HYCC1: variants seen among roughly 807,000 people sequenced by gnomAD.
HYCC1 encodes the protein hyccin.
At chr7:22,939,670 T>C in the HYCC1 span, 1 of 152,122 alleles carries the variant, frequency 6.6e-6, no homozygotes, top group Non-Finnish European at 1.5e-5. Flanking sequence ...CTCTATTAGG[T>C]AGGATTTAAT....
the HYCC1 span, among the ~76,000 whole-genome samples, chr7:22,967,505 C>G: frequency 1.2e-3 from 179 of 152,252 alleles, no homozygotes; most frequent in African/African-American, 4.1e-3. Flanking sequence ...TATCTTATAA[C>G]CTGCTAGGTT....
At chr7:22,955,523 AACTT>A in the HYCC1 span, among the ~76,000 whole-genome samples, 2 of 151,692 alleles carry the variant, frequency 1.3e-5, no homozygotes, top group Non-Finnish European at 3.0e-5. Context: ...TTGGAACTAT[AACTT>A]AATTAGGGGA....
the HYCC1 span, among the ~76,000 whole-genome samples, chr7:22,906,915 C>T: frequency 6.6e-6 from 1 of 151,714 alleles, no homozygotes; most frequent in Non-Finnish European, 1.5e-5. Flanking sequence ...TGGAAGCACT[C>T]ATTTGCAGAA....
the HYCC1 span, among the ~76,000 whole-genome samples, chr7:22,925,761 G>A: frequency 1.3e-5 from 2 of 152,328 alleles, no homozygotes; most frequent in East Asian, 3.9e-4. Context: ...ACACTCTGCA[G>A]GATATTATCC....
chr7:23,013,440 G>A, the HYCC1 span, among the ~76,000 whole-genome samples: 2 of 152,228 alleles, frequency 1.3e-5, no homozygotes, highest in Admixed American at 1.3e-4. Context: ...GACAGTGGCG[G>A]CCTCGCCGAA....
At chr7:22,924,096 T>G in the HYCC1 span, among the ~76,000 whole-genome samples, 1 of 149,790 alleles carries the variant, frequency 6.7e-6, no homozygotes, top group Non-Finnish European at 1.5e-5. Context: ...TGAGAATTGC[T>G]TGAACCCAGG....
the HYCC1 span, among the ~76,000 whole-genome samples, chr7:22,923,776 C>T: frequency 5.3e-5 from 8 of 151,922 alleles, no homozygotes; most frequent in Non-Finnish European, 1.2e-4. Flanking sequence ...CATGGAAATA[C>T]TATAAACAAC....
chr7:23,006,385 G>T, the HYCC1 span, among the ~76,000 whole-genome samples: 6 of 151,882 alleles, frequency 4.0e-5, no homozygotes, highest in South Asian at 6.2e-4. Context: ...TCCCGCCTCA[G>T]CCTCCCAAGT....
the HYCC1 span, among the ~76,000 whole-genome samples, chr7:22,929,527 G>C: frequency 1.3e-5 from 2 of 152,102 alleles, no homozygotes; most frequent in African/African-American, 2.4e-5. Flanking sequence ...CAAAAAGTGG[G>C]CCAAGGATAT....
At chr7:22,930,277 G>T in the HYCC1 span, among the ~76,000 whole-genome samples, 2 of 149,118 alleles carry the variant, frequency 1.3e-5, no homozygotes, top group Non-Finnish European at 3.0e-5. Context: ...CACCAACATG[G>T]CACATGTATA....
At chr7:22,964,471 CCTG>C in the HYCC1 span, 1 of 1,611,906 alleles carries the variant, frequency 6.2e-7, no homozygotes, top group Admixed American at 1.7e-5. Flanking sequence ...AAACTGGTAT[CCTG>C]CTACTTATAC....
chr7:22,936,711 A>C, the HYCC1 span: 1 of 152,084 alleles, frequency 6.6e-6, no homozygotes, highest in African/African-American at 2.4e-5. Context: ...TGCAAAGCAG[A>C]CTAGAAATAC....
the HYCC1 span, among the ~76,000 whole-genome samples, chr7:22,910,214 T>A: frequency 1.4e-4 from 21 of 152,310 alleles, 1 homozygote; most frequent in African/African-American, 5.1e-4. Flanking sequence ...GGTATGCAGG[T>A]CATAGGGGCA....
the HYCC1 span, among the ~76,000 whole-genome samples, chr7:22,970,941 C>G: frequency 4.5e-4 from 68 of 152,138 alleles, no homozygotes; most frequent in Non-Finnish European, 8.5e-4. Flanking sequence ...GCCATAACAG[C>G]TATGTCTGTA....
the HYCC1 span, among the ~76,000 whole-genome samples, chr7:22,953,334 A>C: frequency 6.6e-6 from 1 of 151,920 alleles, no homozygotes; most frequent in Non-Finnish European, 1.5e-5. Context: ...AGGTGGAGAA[A>C]GGAGGAGTGC....
At chr7:22,937,666 C>T in the HYCC1 span, 4 of 152,060 alleles carry the variant, frequency 2.6e-5, no homozygotes, top group African/African-American at 4.8e-5. Context: ...TTCCTGGATT[C>T]GATTTATATT....
At chr7:22,990,561 G>T in the HYCC1 span, among the ~76,000 whole-genome samples, 1 of 152,158 alleles carries the variant, frequency 6.6e-6, no homozygotes, top group African/African-American at 2.4e-5. Flanking sequence ...CTAGAGAAAA[G>T]CTCATGAGAC....
chr7:23,001,859 C>T, the HYCC1 span, among the ~76,000 whole-genome samples: 2 of 151,136 alleles, frequency 1.3e-5, no homozygotes, highest in Non-Finnish European at 1.5e-5. Flanking sequence ...CAGAGGTTTT[C>T]TGTTTGGTTT....
At chr7:22,978,775 C>T in the HYCC1 span, among the ~76,000 whole-genome samples, 3 of 152,094 alleles carry the variant, frequency 2.0e-5, no homozygotes, top group Non-Finnish European at 4.4e-5. Context: ...TACAGACTCC[C>T]CTGGATCTAG....
Sources: allele counts gnomAD v4.1 joint callset (sites outside exome capture counted in the v4.1 genomes callset), GRCh38; gene constraint gnomAD v4.1.1; transcripts MANE v1.5; gene names NCBI Gene and HGNC (gene_info 2026-07-23, HGNC 2026-07-21).